TERF1: variants seen among roughly 807,000 people sequenced by gnomAD.
TERF1 encodes the protein telomeric repeat-binding factor 1.
TERF1 carries 20 observed loss-of-function variants against 55.1 expected under a neutral mutation model. The observed-to-expected ratio is 0.36, with a 90% CI of 0.26 to 0.53. The LOEUF is 0.53. Ranked by LOEUF, TERF1 falls within the 20% of genes least tolerant of loss-of-function variation. The pLI, the probability that TERF1 is intolerant of heterozygous loss-of-function variation, is 0.91. For missense variants in TERF1, 439 were observed against 535.7 expected (o/e 0.82, Z 1.78); for synonymous variants, 168 against 181.2 (o/e 0.93, Z 0.59).
At chr8:73,020,560 T>G (rs1808707595) in intron 2 of TERF1, 124 bp from the exon 3 acceptor site, 1 of 655,008 alleles carries the variant, frequency 1.5e-6, no homozygotes, top group South Asian at 6.1e-5. Flanking sequence ...TAAACTGGTA[T>G]AAACAAGAAG....
intron 3 of TERF1, among the ~76,000 whole-genome samples, chr8:73,021,277 CT>C (rs1180992515): frequency 6.6e-6 from 1 of 151,976 alleles, no homozygotes; most frequent in Non-Finnish European, 1.5e-5. Flanking sequence ...TTAAAAATTT[CT>C]TTTCAGGTTG....
intron 8 of TERF1, among the ~76,000 whole-genome samples, chr8:73,037,123 C>A (rs4007408): frequency 0.68 from 88,718 of 130,406 alleles, 30,640 homozygotes; most frequent in Middle Eastern, 0.78. Context: ...CCCATATATA[C>A]TATATAATTA....
chr8:73,042,957 C>G (rs996477240), intron 9 of TERF1: 6 of 152,058 alleles, frequency 3.9e-5, no homozygotes, highest in Non-Finnish European at 8.8e-5. Context: ...TTAAACTCTT[C>G]CCTTAATTAT....
chr8:73,030,019 T>G (rs1264194847), intron 6 of TERF1: 2 of 196,992 alleles, frequency 1.0e-5, no homozygotes, highest in Non-Finnish European at 2.0e-5. Flanking sequence ...CAATTATACC[T>G]TAATAAAGCA....
chr8:73,044,226 C>T (rs1809944253), intron 9 of TERF1, among the ~76,000 whole-genome samples: 1 of 152,152 alleles, frequency 6.6e-6, no homozygotes, highest in African/African-American at 2.4e-5. Context: ...ATTGAATAGC[C>T]ATGTACTTGT....
intron 5 of TERF1, 32 bp downstream of exon 5, chr8:73,025,003 A>G: frequency 1.5e-6 from 2 of 1,325,480 alleles, no homozygotes; most frequent in Non-Finnish European, 2.1e-6. Flanking sequence ...GACTAATAAT[A>G]GACTTAAAGG....
At position 73,009,161 on chromosome 8, in the gene TERF1, A is replaced by G; in HGVS notation, c.275A>G (p.Asp92Gly). 6.2e-7 allele frequency: 1 copy of G among 1,610,940 alleles called. No homozygotes were observed. ...LCLSLCRAFRDGRSEDFRRTR... is the reference protein window; with the variant it reads ...LCLSLCRAFRGGRSEDFRRTR... ...CTCTCTCTTTGCCGAGCTTTCCGCG[A>G]CGGCCGCTCCGAGGACTTCCGCAGG... Residue 92 changes from aspartate to glycine, a missense_variant, in exon 1 of 10, where the codon GAC becomes GGC. Physicochemically the swap from Asp to Gly is moderately conservative, Grantham distance 94 (BLOSUM62 -1). Coordinates refer to ENST00000276603, the MANE Select transcript of TERF1 (RefSeq NM_017489.3).
At chr8:73,009,272 A>G in intron 1 of TERF1, 67 bp downstream of exon 1, 1 of 1,534,786 alleles carries the variant, frequency 6.5e-7, no homozygotes, top group Admixed American at 1.8e-5. Context: ...GGTGCGCGGC[A>G]GAGGGCTGGT....
rs1037109148 is a variant in TERF1, at chr8:73,008,958, T to C, written c.72T>C (p.Thr24=). The C allele has an allele frequency of 4.3e-6, 7 of 1,612,776 alleles. No individual in the cohort carries two copies. Among genetic ancestry groups the C allele is most frequent in the Non-Finnish European group, 5.9e-6 (7 of 1,179,714 alleles). The change falls in exon 1 of 10, where the codon ACT becomes ACC. Residue 24 remains threonine (T), a synonymous_variant. Transcript: ENST00000276603. Reference sequence around the variant, plus strand: ...CGGATGGTAGGGATGCCGACCCTACTGAGGAGCAGATGGCAGAAACAGAGA... The same window carrying C: ...CGGATGGTAGGGATGCCGACCCTACCGAGGAGCAGATGGCAGAAACAGAGA... ...GCADGRDADP[T]EEQMAETERN...
chr8:73,044,100 T>C (rs1809939414), intron 9 of TERF1, among the ~76,000 whole-genome samples: 2 of 152,164 alleles, frequency 1.3e-5, no homozygotes, highest in South Asian at 2.1e-4. Context: ...AATTTATTAA[T>C]GCATCTCTTG....
intron 5 of TERF1, 124 bp downstream of exon 5, chr8:73,025,095 G>A: frequency 1.7e-6 from 1 of 594,366 alleles, no homozygotes; most frequent in Non-Finnish European, 2.6e-6. Flanking sequence ...TTGTAGAAAG[G>A]TGTGGTAAAA....
chr8:73,034,389 C>T (rs1040566806), intron 8 of TERF1, among the ~76,000 whole-genome samples: 1 of 151,666 alleles, frequency 6.6e-6, no homozygotes, highest in African/African-American at 2.4e-5. Flanking sequence ...ACCTCGGCCT[C>T]CCCAAAGTGC....
At chr8:73,028,023 A>G (rs947854277) in intron 6 of TERF1, among the ~76,000 whole-genome samples, 2 of 152,144 alleles carry the variant, frequency 1.3e-5, no homozygotes, top group African/African-American at 2.4e-5. Context: ...ACTTTTTTCT[A>G]AACTCCAATT....
chr8:73,017,653 T>C (rs1158294999), intron 2 of TERF1, among the ~76,000 whole-genome samples: 2 of 152,070 alleles, frequency 1.3e-5, no homozygotes, highest in East Asian at 3.9e-4. Flanking sequence ...TACACTAGAC[T>C]CTGCTTGAGA....
At chr8:73,018,641 A>T (rs1368865937) in intron 2 of TERF1, among the ~76,000 whole-genome samples, 1 of 152,120 alleles carries the variant, frequency 6.6e-6, no homozygotes, top group African/African-American at 2.4e-5. Context: ...GCGTCACTTC[A>T]CTCCAGCCTG....
At position 73,026,446 on chromosome 8, in the gene TERF1, G is replaced by A. The variant is rs549461156; in HGVS notation, c.775-494G>A. The stretch of plus-strand genomic sequence containing the variant: ...GCCCAGGAGGTTGAGGCTGCAGTGA[G>A]CTGTGATTGTGCCACTGCACTCCAG... On this transcript the variant is annotated intron_variant, in intron 5 of 9. Coordinates refer to ENST00000276603, the MANE Select transcript of TERF1 (RefSeq NM_017489.3). Among the ~76,000 whole-genome samples the A allele has an allele frequency of 7.2e-5, 11 of 152,186 alleles. 1 individual carries two copies. The South Asian group carries it at 2.3e-3, about 32-fold the overall frequency.
At chr8:73,019,637 C>G (rs987726211) in intron 2 of TERF1, among the ~76,000 whole-genome samples, 137 of 152,258 alleles carry the variant, frequency 9.0e-4, no homozygotes, top group African/African-American at 3.3e-3. Flanking sequence ...TCAAGCAGTC[C>G]TCCCACCTCA....
intron 7 of TERF1, chr8:73,031,376 G>A (rs1809276470): frequency 6.6e-6 from 1 of 152,220 alleles, no homozygotes; most frequent in Non-Finnish European, 1.5e-5. Flanking sequence ...CAGAGGGGAA[G>A]AGAGAAAGGA....
chr8:73,022,934 A>AAAAT lies in TERF1; in HGVS notation c.624+643_624+646dup, dbSNP rs536714858. Among the ~76,000 whole-genome samples, 22 of 152,340 alleles carry AAAAT rather than the reference A, an allele frequency of 1.4e-4. No individual in the cohort carries two copies. The East Asian group carries it at 3.9e-3, about 27-fold the overall frequency. On this transcript the variant is annotated intron_variant, in intron 4 of 9. Coordinates refer to ENST00000276603, the MANE Select transcript of TERF1 (RefSeq NM_017489.3). ...GCAACAGAGAGAGACGCTGTCTCTA[A>AAAAT]AAATAAATAAATAATAAAATAGTAT...
Sources: allele counts gnomAD v4.1 joint callset (sites outside exome capture counted in the v4.1 genomes callset), GRCh38; gene constraint gnomAD v4.1.1; transcripts MANE v1.5; gene names NCBI Gene and HGNC (gene_info 2026-07-23, HGNC 2026-07-21).